Variants in COL17A1 observed in about 807,000 individuals in gnomAD.
COL17A1 encodes collagen type XVII alpha 1 chain.
A neutral mutation model predicts 218.4 loss-of-function variants in COL17A1; 181 were observed. The observed-to-expected ratio is 0.83, with a 90% CI of 0.73 to 0.94. The LOEUF (loss-of-function observed/expected upper bound fraction) is 0.94, where lower values mean the gene tolerates loss of function less well. COL17A1 is among the 40% of genes least tolerant of loss of function. The pLI, the probability that COL17A1 is intolerant of heterozygous loss-of-function variation, is 0.00. For missense variants in COL17A1, 1,924 were observed against 1,945.9 expected, an observed-to-expected ratio of 0.99 and a Z score of 0.21; for synonymous variants, 721 against 731.0, an observed-to-expected ratio of 0.99 and a Z score of 0.22.
At chr10:104,046,800 AG>A in intron 31 of COL17A1, 27 bp from the exon 32 acceptor site, 1 of 1,612,782 alleles carries the variant, frequency 6.2e-7, no homozygotes, top group Admixed American at 1.7e-5. Context: ...ACAAGAGGGA[AG>A]AGTTGAAGGG....
At chr10:104,041,596 C>T in intron 36 of COL17A1, 58 bp from the exon 37 acceptor site, 1 of 1,433,460 alleles carries the variant, frequency 7.0e-7, no homozygotes, top group Non-Finnish European at 9.8e-7. Flanking sequence ...CTCTCTGCCA[C>T]ACTTCTCACC....
chr10:104,079,816 G>T (rs866638092), intron 2 of COL17A1, among the ~76,000 whole-genome samples: 1 of 151,806 alleles, frequency 6.6e-6, no homozygotes, highest in East Asian at 1.9e-4. Flanking sequence ...AATCCCAGCT[G>T]CTCGGGAGGC....
At chr10:104,036,442 A>T in intron 48 of COL17A1, 50 bp downstream of exon 48, 1 of 1,612,396 alleles carries the variant, frequency 6.2e-7, no homozygotes, top group Non-Finnish European at 8.5e-7. Context: ...GCGAGTCCTC[A>T]TCCCAGTCAT....
At chr10:104,064,700 G>T in intron 9 of COL17A1, 104 bp from the exon 10 acceptor site, 1 of 1,094,648 alleles carries the variant, frequency 9.1e-7, no homozygotes, top group Non-Finnish European at 1.4e-6. Context: ...TTTGGGCATT[G>T]AAAGCCCCAC....
chr10:104,033,442 A>G, intron 52 of COL17A1, 67 bp from the exon 53 acceptor site: 3 of 1,569,728 alleles, frequency 1.9e-6, no homozygotes, highest in Non-Finnish European at 2.6e-6. Flanking sequence ...GCAGGAGCAC[A>G]GTGCCCTCCG....
chr10:104,036,816 C>T (rs2086304366), intron 47 of COL17A1, among the ~76,000 whole-genome samples, 184 bp from the exon 48 acceptor site: 1 of 152,218 alleles, frequency 6.6e-6, no homozygotes, highest in Admixed American at 6.5e-5. Flanking sequence ...AAAGGGACAC[C>T]TGCCAGCTTG....
At position 104,035,481 on chromosome 10, in the gene COL17A1, C is replaced by G; in HGVS notation, c.3501G>C (p.Leu1167Phe). Residue 1167 changes from leucine to phenylalanine, a missense_variant, in exon 49 of 56, where the codon TTG becomes TTC. Coordinates refer to ENST00000648076, the MANE Select transcript of COL17A1 (RefSeq NM_000494.4). ...TCCCCTGCTGGGCCTTACCTCGCAGCAAGGAGAGGAGCTCCTCATAGGAGG... is the reference window on the plus strand; with the variant it reads ...TCCCCTGCTGGGCCTTACCTCGCAGGAAGGAGAGGAGCTCCTCATAGGAGG... ...PGTSYEELLS[L>F]LRGSEFRGIV... The G allele has an allele frequency of 6.2e-7, 1 of 1,614,070 alleles. No homozygotes were observed. The highest frequency in any genetic ancestry group is 8.5e-7 in the Non-Finnish European group (1 of 1,179,978).
rs750463602 is a variant in COL17A1, at chr10:104,074,228, C to G, written c.335G>C (p.Ser112Thr). 3 of 1,614,214 alleles carry G rather than the reference C, an allele frequency of 1.9e-6. No homozygotes were observed. The highest frequency in any genetic ancestry group is 2.5e-6 in the Non-Finnish European group (3 of 1,180,030). Residue 112 changes from serine (S) to threonine (T), a missense_variant, in exon 6 of 56, where the codon AGC (serine) becomes ACC (threonine). Transcript: ENST00000648076. ...CTCCGGAGAAGAGTTGCCACTGGAGCTCCCTGGAGAGGGGATGAAACACTT... is the reference window on the plus strand; with the variant it reads ...CTCCGGAGAAGAGTTGCCACTGGAGGTCCCTGGAGAGGGGATGAAACACTT... ...THVTRHAYEG[S>T]SSGNSSPEYP... is the part of the protein sequence containing the mutation.
Position 104,039,788 on chromosome 10 carries a change from ACACACACG to A in COL17A1, c.2789-156_2789-149del, listed in dbSNP as rs1444827761. The A allele has an allele frequency of 6.8e-3, 7,230 of 1,065,700 alleles. 211 individuals are homozygous for A. The African/African-American group carries it at 0.11, about 16-fold the overall frequency. 66.0% of individuals were successfully genotyped at this position (1,065,700 alleles called of 1,614,324 possible). On this transcript the variant is annotated intron_variant, in intron 41 of 55. Coordinates refer to ENST00000648076, the MANE Select transcript of COL17A1 (RefSeq NM_000494.4). ...ATGCCACACACACACACACACACAC[ACACACACG>A]CACACGCACACTTGCACTACACCCA...
At position 104,064,470 on chromosome 10, in the gene COL17A1, A is replaced by C; in HGVS notation, c.734T>G (p.Leu245Arg). The change falls in exon 10 of 56, where the codon CTC becomes CGC. Residue 245 changes from leucine to arginine, a missense_variant. By Grantham distance (102) the Leu-to-Arg change is moderately radical. Coordinates refer to ENST00000648076, the MANE Select transcript of COL17A1 (RefSeq NM_000494.4). ...HNNMTTQSSS[L>R]LNTNAYSAGS... ...CGCAGAGTAGGCATTGGTGTTGAGG[A>C]GGGATGAGCTCTGGGTTGTCATGTT... The C allele has an allele frequency of 1.2e-6, 2 of 1,614,104 alleles. No homozygotes were observed. Among genetic ancestry groups the C allele is most frequent in the Non-Finnish European group, 1.7e-6 (2 of 1,180,012 alleles).
intron 11 of COL17A1, chr10:104,063,483 A>G: frequency 1.9e-6 from 1 of 517,688 alleles, no homozygotes; most frequent in Non-Finnish European, 3.5e-6. Context: ...TAGACCCTTC[A>G]TTTCCAATCC....
intron 35 of COL17A1, among the ~76,000 whole-genome samples, 174 bp downstream of exon 35, chr10:104,043,327 T>G (rs1262443633): frequency 6.6e-6 from 1 of 152,240 alleles, no homozygotes; most frequent in African/African-American, 2.4e-5. Flanking sequence ...GTAGGATAAC[T>G]GATCTACCTC....
chr10:104,053,117 C>G lies in COL17A1; in HGVS notation c.1853G>C (p.Gly618Ala), dbSNP rs745938909. The change falls in exon 23 of 56, where the codon GGC becomes GCC. Residue 618 changes from glycine (G) to alanine (A), a missense_variant. Transcript: ENST00000648076. ...TTCTCGCCCTCTCTGGCCCATGGGGCCTTCCATGCCAGGATCTCCTAAAGA... is the reference window on the plus strand; with the variant it reads ...TTCTCGCCCTCTCTGGCCCATGGGGGCTTCCATGCCAGGATCTCCTAAAGA... The part of the protein sequence containing the change: ...KGSVGDPGME[G>A]PMGQRGREGP... 1 of 1,613,390 alleles carries G rather than the reference C, an allele frequency of 6.2e-7. No individual in the cohort carries two copies. The highest frequency in any genetic ancestry group is 1.3e-5 in the African/African-American group (1 of 74,940).
At chr10:104,052,297 G>A in intron 23 of COL17A1, 80 bp from the exon 24 acceptor site, 1 of 1,581,942 alleles carries the variant, frequency 6.3e-7, no homozygotes, top group Non-Finnish European at 8.7e-7. Flanking sequence ...TCATTTGGAG[G>A]GGATGCTTCC....
Position 104,034,343 on chromosome 10 carries a change from T to C in COL17A1, c.3767-9A>G. The stretch of plus-strand genomic sequence containing the variant: ...GCTGCGCACATCAGGACCTGCAGGG[T>C]GAGAAGCTGCATGAGTGGGAGCTCA... On this transcript the variant is annotated splice_polypyrimidine_tract_variant and intron_variant, in intron 51 of 55. Transcript: ENST00000648076. The C allele has an allele frequency of 1.9e-6, 3 of 1,539,558 alleles. No homozygotes were observed. The highest frequency in any genetic ancestry group is 2.6e-6 in the Non-Finnish European group (3 of 1,150,942).
intron 13 of COL17A1, 113 bp downstream of exon 13, chr10:104,061,292 T>C: frequency 1.0e-5 from 11 of 1,091,358 alleles, no homozygotes; most frequent in Non-Finnish European, 1.5e-5. Context: ...TCATGGGTCC[T>C]ATTTCCTCTT....
intron 33 of COL17A1, among the ~76,000 whole-genome samples, chr10:104,045,425 A>T (rs1332471237): frequency 6.6e-6 from 1 of 152,192 alleles, no homozygotes; most frequent in Admixed American, 6.5e-5. Context: ...TGAAGCACTA[A>T]TGGGGGCATT....
intron 21 of COL17A1, 46 bp from the exon 22 acceptor site, chr10:104,054,028 G>A (rs749325775): frequency 6.2e-7 from 1 of 1,612,336 alleles, no homozygotes; most frequent in South Asian, 1.1e-5. Flanking sequence ...CCTCCCAGAA[G>A]CCATCAGCTA....
chr10:104,040,384 G>A lies in COL17A1; in HGVS notation c.2728C>T (p.Pro910Ser). The A allele has an allele frequency of 6.2e-7, 1 of 1,611,520 alleles. No homozygotes were observed. The highest frequency in any genetic ancestry group is 8.5e-7 in the Non-Finnish European group (1 of 1,177,668). ...CCCTTGGGACCTGGGGGGCCAGGTG[G>A]GCCTGGGGGGCCGGAGAGGAAGGTT... is the stretch of plus-strand genomic sequence containing the variant. ...SETFLSGPPG[P>S]PGPPGPKGDQ... The change falls in exon 40 of 56, where the codon CCA becomes TCA. Residue 910 changes from proline to serine, a missense_variant. Physicochemically the swap from Pro to Ser is moderately conservative, Grantham distance 74 (BLOSUM62 -1). Transcript: ENST00000648076.
Sources: allele counts gnomAD v4.1 joint callset (sites outside exome capture counted in the v4.1 genomes callset), GRCh38; gene constraint gnomAD v4.1.1; transcripts MANE v1.5; gene names NCBI Gene and HGNC (gene_info 2026-07-23, HGNC 2026-07-21).